The following ANO2 variants were observed in gnomAD, a reference collection of about 807,000 sequenced individuals.
ANO2 encodes the protein anoctamin-2.
ANO2 carries 101 observed loss-of-function variants against 124.2 expected under a neutral mutation model. That is an observed-to-expected ratio of 0.81 (90% CI 0.69 to 0.96). ANO2 has a LOEUF of 0.96. Ranked by LOEUF, ANO2 falls within the 40% of genes least tolerant of loss-of-function variation. The pLI, the probability that ANO2 is intolerant of heterozygous loss-of-function variation, is 0.00. For missense variants in ANO2, 1,293 were observed against 1,274.5 expected (o/e 1.01, Z -0.22); for synonymous variants, 486 against 482.5 (o/e 1.01, Z -0.09).
In ANO2 at chr12:5,758,008, G is replaced by C. The variant is rs146790849; in HGVS notation, c.1056-7038C>G. 1.6e-4 allele frequency among the ~76,000 whole-genome samples: 24 copies of C among 152,176 alleles called. No homozygotes were observed. In the East Asian group the frequency reaches 4.4e-3, roughly 28 times the overall value. ...AATGGGTAAGGTAAGAGACCAAAGA[G>C]AGTCAGTCCCCTTAAGTTGCACACA... On this transcript the variant is annotated intron_variant, in intron 10 of 24. Coordinates refer to ENST00000682330, the MANE Select transcript of ANO2 (RefSeq NM_001364791.2).
chr12:5,854,777 T>C (rs1955047370), intron 3 of ANO2, among the ~76,000 whole-genome samples: 1 of 152,200 alleles, frequency 6.6e-6, no homozygotes, highest in Non-Finnish European at 1.5e-5. Context: ...TGTTGATTTC[T>C]CTCAAAACAT....
chr12:5,874,842 A>C (rs377293944), intron 3 of ANO2, among the ~76,000 whole-genome samples: 1 of 152,200 alleles, frequency 6.6e-6, no homozygotes, highest in Non-Finnish European at 1.5e-5. Context: ...AGGACTCAGC[A>C]CACTTTTTCT....
chr12:5,872,056 C>A (rs1412946455), intron 3 of ANO2, among the ~76,000 whole-genome samples: 1 of 152,198 alleles, frequency 6.6e-6, no homozygotes, highest in Non-Finnish European at 1.5e-5. Context: ...AGAAGCAGTC[C>A]AGAAACTAGC....
At chr12:5,836,099 A>G (rs1455781888) in intron 4 of ANO2, among the ~76,000 whole-genome samples, 1 of 151,912 alleles carries the variant, frequency 6.6e-6, no homozygotes, top group African/African-American at 2.4e-5. Context: ...TTTTCTGTCC[A>G]CTCCTCTCCG....
intron 14 of ANO2, among the ~76,000 whole-genome samples, chr12:5,657,204 G>C (rs560954574): frequency 3.9e-4 from 59 of 152,330 alleles, no homozygotes; most frequent in South Asian, 2.3e-3. Flanking sequence ...TGACTTGATG[G>C]GGGGTGGAGG....
chr12:5,876,056 T>C lies in ANO2; in HGVS notation c.535-21915A>G, dbSNP rs569905612. ...ACTGCCACTGCAGACTTAGTCGCTGTGGTGCCAAGGGGCAGGGCCAGCCCA... is the reference window on the plus strand; with the variant it reads ...ACTGCCACTGCAGACTTAGTCGCTGCGGTGCCAAGGGGCAGGGCCAGCCCA... On this transcript the variant is annotated intron_variant, in intron 3 of 24. Transcript: ENST00000682330. 3.3e-5 allele frequency among the ~76,000 whole-genome samples: 5 copies of C among 152,290 alleles called. No individual in the cohort carries two copies. In the South Asian group the frequency reaches 1.0e-3, roughly 32 times the overall value.
intron 14 of ANO2, among the ~76,000 whole-genome samples, chr12:5,682,947 G>T (rs1158493539): frequency 1.3e-5 from 2 of 152,202 alleles, no homozygotes; most frequent in African/African-American, 2.4e-5. Context: ...ACACTCAAGA[G>T]AAAGCACAGA....
At chr12:5,784,956 G>C (rs1952499746) in intron 10 of ANO2, among the ~76,000 whole-genome samples, 1 of 152,176 alleles carries the variant, frequency 6.6e-6, no homozygotes. Flanking sequence ...CCGAGTTCAG[G>C]GGCATCTGCA....
At chr12:5,604,915 T>A (rs1944139083) in intron 19 of ANO2, among the ~76,000 whole-genome samples, 1 of 151,884 alleles carries the variant, frequency 6.6e-6, no homozygotes, top group South Asian at 2.1e-4. Flanking sequence ...TTCTTTTTTT[T>A]TTTTAATTTG....
At chr12:5,621,582 C>A (rs931864938) in intron 16 of ANO2, among the ~76,000 whole-genome samples, 2 of 152,116 alleles carry the variant, frequency 1.3e-5, no homozygotes, top group African/African-American at 4.8e-5. Context: ...GGAGGGCCCG[C>A]TGGGAATTTT....
At chr12:5,678,929 A>G (rs1273467374) in intron 14 of ANO2, among the ~76,000 whole-genome samples, 2 of 152,360 alleles carry the variant, frequency 1.3e-5, no homozygotes, top group East Asian at 1.9e-4. Flanking sequence ...AAGGATCTAC[A>G]TTTAGGTTCA....
chr12:5,578,695 C>A (rs1591656806), intron 20 of ANO2, among the ~76,000 whole-genome samples, 177 bp from the exon 21 acceptor site: 1 of 152,194 alleles, frequency 6.6e-6, no homozygotes, highest in South Asian at 2.1e-4. Context: ...TAAGTACCTG[C>A]AGGCCTGTTG....
chr12:5,882,646 G>A (rs1380564534), intron 3 of ANO2, among the ~76,000 whole-genome samples: 1 of 152,202 alleles, frequency 6.6e-6, no homozygotes, highest in South Asian at 2.1e-4. Context: ...GTCAAAGGTG[G>A]GAGAGGCATC....
intron 14 of ANO2, among the ~76,000 whole-genome samples, chr12:5,725,093 C>CCT (rs71064166): frequency 8.3e-4 from 52 of 62,514 alleles, no homozygotes; most frequent in Admixed American, 1.3e-3. Flanking sequence ...TCCTTGTCTC[C>CCT]CTCTCACACA....
chr12:5,937,110 A>AT (rs111863185), intron 1 of ANO2, among the ~76,000 whole-genome samples: 14,796 of 152,062 alleles, frequency 0.097, 1,155 homozygotes, highest in African/African-American at 0.21. Context: ...TGGTGGTTCC[A>AT]TTTTTTTATT....
intron 10 of ANO2, among the ~76,000 whole-genome samples, chr12:5,778,242 C>G (rs1320603088): frequency 6.6e-6 from 1 of 151,976 alleles, no homozygotes; most frequent in Non-Finnish European, 1.5e-5. Context: ...TATTATTAAC[C>G]CTATTTTATA....
chr12:5,849,469 T>C (rs1025817614), intron 4 of ANO2, among the ~76,000 whole-genome samples: 1 of 152,236 alleles, frequency 6.6e-6, no homozygotes, highest in African/African-American at 2.4e-5. Flanking sequence ...AAGCACCTGC[T>C]TCCATACCGC....
intron 19 of ANO2, among the ~76,000 whole-genome samples, chr12:5,608,137 T>TG (rs898166256): frequency 1.3e-5 from 2 of 151,956 alleles, no homozygotes; most frequent in Non-Finnish European, 2.9e-5. Context: ...CCTTCCTCAC[T>TG]GGCAGGCTCA....
chr12:5,689,099 A>G (rs960442572), intron 14 of ANO2, among the ~76,000 whole-genome samples: 2 of 152,092 alleles, frequency 1.3e-5, no homozygotes, highest in African/African-American at 4.8e-5. Flanking sequence ...AGATTTGAGG[A>G]AAAAAACAAA....
Sources: gnomAD v4.1 joint callset for allele counts (sites outside exome capture counted in the v4.1 genomes callset) on GRCh38, gnomAD v4.1.1 for gene constraint, MANE v1.5 for transcripts, NCBI Gene and HGNC (gene_info 2026-07-23, HGNC 2026-07-21) for gene names.